AFG2A: variants seen among roughly 807,000 people sequenced by gnomAD.
The protein encoded by AFG2A is ATPase family gene 2 protein homolog A.
chr4:123,271,793 C>T, the AFG2A span, among the ~76,000 whole-genome samples: 6 of 151,864 alleles, frequency 4.0e-5, no homozygotes, highest in East Asian at 1.9e-4. Context: ...TTTTATTTGC[C>T]GTTTGTAACT....
chr4:123,016,600 G>T, the AFG2A span, among the ~76,000 whole-genome samples: 2 of 151,538 alleles, frequency 1.3e-5, no homozygotes, highest in African/African-American at 4.9e-5. Context: ...TTCCTAGATG[G>T]GATGGCGGCC....
the AFG2A span, among the ~76,000 whole-genome samples, chr4:122,976,399 A>G: frequency 6.6e-6 from 1 of 152,220 alleles, no homozygotes; most frequent in Non-Finnish European, 1.5e-5. Context: ...CTTAGTATCT[A>G]ACTTCTCAAG....
chr4:122,951,117 AT>A, the AFG2A span, among the ~76,000 whole-genome samples: 1 of 152,224 alleles, frequency 6.6e-6, no homozygotes, highest in South Asian at 2.1e-4. Context: ...ATGGTAGATC[AT>A]TTTATGCATC....
chr4:123,253,809 G>T, the AFG2A span, among the ~76,000 whole-genome samples: 1 of 152,108 alleles, frequency 6.6e-6, no homozygotes, highest in East Asian at 1.9e-4. Flanking sequence ...CAAAGTGGTT[G>T]TTCTATTTTA....
At chr4:122,969,135 A>G in the AFG2A span, among the ~76,000 whole-genome samples, 1 of 151,484 alleles carries the variant, frequency 6.6e-6, no homozygotes, top group Non-Finnish European at 1.5e-5. Context: ...TATAATATAT[A>G]TTGATATAAA....
the AFG2A span, among the ~76,000 whole-genome samples, chr4:122,975,432 C>T: frequency 6.6e-6 from 1 of 152,172 alleles, no homozygotes; most frequent in African/African-American, 2.4e-5. Context: ...CCATAGCAAA[C>T]ATAAACATGT....
At chr4:123,021,312 A>G in the AFG2A span, among the ~76,000 whole-genome samples, 5 of 145,672 alleles carry the variant, frequency 3.4e-5, no homozygotes, top group Non-Finnish European at 6.0e-5. Context: ...ATTCTTACCT[A>G]TTAGGAAGAC....
chr4:123,197,282 A>AT, the AFG2A span, among the ~76,000 whole-genome samples: 24 of 152,306 alleles, frequency 1.6e-4, no homozygotes, highest in African/African-American at 5.3e-4. Context: ...ATAATTTTAT[A>AT]TTTTTTCCTT....
the AFG2A span, among the ~76,000 whole-genome samples, chr4:123,050,514 A>G: frequency 6.6e-6 from 1 of 152,072 alleles, no homozygotes; most frequent in Non-Finnish European, 1.5e-5. Flanking sequence ...TAATTTTGTT[A>G]TATCTTCTTG....
chr4:123,152,245 C>T, the AFG2A span, among the ~76,000 whole-genome samples: 1 of 152,062 alleles, frequency 6.6e-6, no homozygotes, highest in South Asian at 2.1e-4. Context: ...CAAACCTGCA[C>T]ACCTATGTAA....
chr4:123,143,127 C>G, the AFG2A span, among the ~76,000 whole-genome samples: 1 of 151,500 alleles, frequency 6.6e-6, no homozygotes. Flanking sequence ...CTGAAACACT[C>G]TGGTCCCAAG....
chr4:122,958,713 G>A, the AFG2A span, among the ~76,000 whole-genome samples: 4 of 152,106 alleles, frequency 2.6e-5, no homozygotes, highest in Admixed American at 6.6e-5. Flanking sequence ...GTGCTAATGC[G>A]GCTGATCTGG....
chr4:123,216,847 T>G, the AFG2A span, among the ~76,000 whole-genome samples: 1 of 151,978 alleles, frequency 6.6e-6, no homozygotes, highest in Non-Finnish European at 1.5e-5. Flanking sequence ...TTTGTAGAGG[T>G]GGGGAAGTGG....
the AFG2A span, among the ~76,000 whole-genome samples, chr4:123,229,422 C>A: frequency 3.3e-5 from 5 of 151,848 alleles, no homozygotes; most frequent in African/African-American, 1.2e-4. Context: ...ACAAATGAAG[C>A]TTTTTAAGGA....
chr4:123,037,864 G>A, the AFG2A span, among the ~76,000 whole-genome samples: 1 of 152,106 alleles, frequency 6.6e-6, no homozygotes, highest in East Asian at 1.9e-4. Flanking sequence ...CTTAGAACAG[G>A]ACATCATAAT....
chr4:123,197,251 G>A, the AFG2A span, among the ~76,000 whole-genome samples: 1 of 152,042 alleles, frequency 6.6e-6, no homozygotes, highest in Admixed American at 6.5e-5. Flanking sequence ...TAAATAATGT[G>A]AATAACTACC....
At chr4:123,142,077 C>T in the AFG2A span, among the ~76,000 whole-genome samples, 30 of 152,244 alleles carry the variant, frequency 2.0e-4, no homozygotes, top group Non-Finnish European at 3.8e-4. Flanking sequence ...GGACAGCTGA[C>T]AGTGAATATA....
chr4:123,028,385 T>C, the AFG2A span: 1 of 1,614,002 alleles, frequency 6.2e-7, no homozygotes, highest in Non-Finnish European at 8.5e-7. Context: ...CTGAATTTTC[T>C]AGCTATAAAG....
the AFG2A span, among the ~76,000 whole-genome samples, chr4:123,294,593 C>G: frequency 6.6e-6 from 1 of 152,118 alleles, no homozygotes; most frequent in Non-Finnish European, 1.5e-5. Context: ...TGTGTTGAAG[C>G]CAACATGCCT....
Sources: gnomAD v4.1 joint callset for allele counts (sites outside exome capture counted in the v4.1 genomes callset) on GRCh38, gnomAD v4.1.1 for gene constraint, MANE v1.5 for transcripts, NCBI Gene and HGNC (gene_info 2026-07-23, HGNC 2026-07-21) for gene names.